The following UBE2E3 variants were observed in gnomAD, a reference collection of about 807,000 sequenced individuals.
The protein encoded by UBE2E3 is ubiquitin conjugating enzyme E2 E3.
In UBE2E3, 5 loss-of-function variants were observed where a neutral mutation model predicts 23.6. The observed-to-expected ratio is 0.21, with a 90% confidence interval of 0.11 to 0.44. UBE2E3 has a LOEUF of 0.44. Among genes scored for constraint, UBE2E3 ranks in the 20% least tolerant of loss-of-function variants. UBE2E3 has a pLI of 0.99. For missense variants in UBE2E3, 81 were observed against 249.8 expected (o/e 0.32, Z 4.55); for synonymous variants, 78 against 87.5 (o/e 0.89, Z 0.60).
intron 3 of UBE2E3, among the ~76,000 whole-genome samples, chr2:181,055,146 G>A (rs932499848): frequency 1.3e-5 from 2 of 151,906 alleles, no homozygotes; most frequent in Admixed American, 1.3e-4. Flanking sequence ...CAACAGAGGA[G>A]AGAAACTGAA....
intron 3 of UBE2E3, among the ~76,000 whole-genome samples, chr2:181,008,031 T>C (rs925187382): frequency 4.6e-5 from 7 of 152,228 alleles, no homozygotes; most frequent in Non-Finnish European, 8.8e-5. Context: ...CTGAATTGTC[T>C]TTTTAATCTG....
intron 3 of UBE2E3, among the ~76,000 whole-genome samples, chr2:180,999,463 A>T (rs1684930819): frequency 6.6e-6 from 1 of 152,182 alleles, no homozygotes; most frequent in African/African-American, 2.4e-5. Flanking sequence ...CTAGGAGTGG[A>T]ATTGCTGTGT....
At chr2:181,023,586 T>A (rs978919280) in intron 3 of UBE2E3, among the ~76,000 whole-genome samples, 2 of 152,196 alleles carry the variant, frequency 1.3e-5, no homozygotes, top group Non-Finnish European at 2.9e-5. Context: ...CACAGCCGCC[T>A]GATAGAACAG....
chr2:181,046,928 G>A (rs1423730691), intron 3 of UBE2E3, among the ~76,000 whole-genome samples: 1 of 152,072 alleles, frequency 6.6e-6, no homozygotes, highest in Non-Finnish European at 1.5e-5. Flanking sequence ...AAATTACACA[G>A]AAAACTATTC....
Position 181,062,898 on chromosome 2 carries a change from T to A in UBE2E3, c.*10T>A, listed in dbSNP as rs1306362226. On this transcript the variant is annotated 3_prime_UTR_variant, in exon 6 of 6. Transcript: ENST00000410062. ...GAGATACGCAACATAATTCACATAA[T>A]TTGTATGCAGTGTGAAGGAGCAGAA... is the stretch of plus-strand genomic sequence containing the variant. 1 of 1,571,100 alleles carries A rather than the reference T, an allele frequency of 6.4e-7. No individual in the cohort carries two copies. Among genetic ancestry groups the A allele is most frequent in the Admixed American group, 1.7e-5 (1 of 58,992 alleles).
At chr2:180,987,226 G>A (rs993425562) in intron 3 of UBE2E3, 5 of 1,189,768 alleles carry the variant, frequency 4.2e-6, no homozygotes, top group Non-Finnish European at 4.7e-6. Flanking sequence ...ATCAATGAGA[G>A]TCAAGGGAAA....
intron 3 of UBE2E3, among the ~76,000 whole-genome samples, chr2:181,002,167 C>T (rs187715169): frequency 1.5e-4 from 23 of 150,042 alleles, no homozygotes; most frequent in Non-Finnish European, 3.4e-4. Context: ...CTACTGATCA[C>T]ATCTGGAATG....
At chr2:180,994,078 A>AT (rs1362773179) in intron 3 of UBE2E3, among the ~76,000 whole-genome samples, 1 of 152,036 alleles carries the variant, frequency 6.6e-6, no homozygotes, top group Non-Finnish European at 1.5e-5. Flanking sequence ...TGTGCCTTTA[A>AT]TTTTTCTTCA....
chr2:181,034,542 G>A (rs1000676724), intron 3 of UBE2E3, among the ~76,000 whole-genome samples: 3 of 152,114 alleles, frequency 2.0e-5, no homozygotes, highest in East Asian at 3.9e-4. Context: ...TGGGGGGAGC[G>A]GGGAGAGATA....
intron 2 of UBE2E3, among the ~76,000 whole-genome samples, chr2:180,983,565 AT>A: frequency 1.3e-5 from 2 of 152,322 alleles, no homozygotes; most frequent in Non-Finnish European, 2.9e-5. Flanking sequence ...ATATTTGTAA[AT>A]TTTAAACTTT....
chr2:181,017,279 G>A (rs1685523204), intron 3 of UBE2E3, among the ~76,000 whole-genome samples: 1 of 152,184 alleles, frequency 6.6e-6, no homozygotes, highest in African/African-American at 2.4e-5. Flanking sequence ...ATAGATGTGT[G>A]CAGGTAAAGG....
At chr2:181,044,363 A>G (rs10179247) in intron 3 of UBE2E3, among the ~76,000 whole-genome samples, 6,836 of 152,200 alleles carry the variant, frequency 0.045, 224 homozygotes, top group African/African-American at 0.088. Flanking sequence ...TAAGCGATAA[A>G]TATATATAGT....
At chr2:181,017,564 T>G (rs1317394403) in intron 3 of UBE2E3, among the ~76,000 whole-genome samples, 1 of 151,820 alleles carries the variant, frequency 6.6e-6, no homozygotes, top group African/African-American at 2.4e-5. Context: ...GGAAATGCGG[T>G]AATATGCATA....
chr2:181,045,330 C>G (rs75179515), intron 3 of UBE2E3, among the ~76,000 whole-genome samples: 5,017 of 152,308 alleles, frequency 0.033, 100 homozygotes, highest in South Asian at 0.055. Context: ...AGCAAAGCTG[C>G]ATTACCTCAA....
intron 3 of UBE2E3, among the ~76,000 whole-genome samples, chr2:181,011,285 A>T (rs1685320360): frequency 6.6e-6 from 1 of 152,094 alleles, no homozygotes; most frequent in Non-Finnish European, 1.5e-5. Flanking sequence ...GATGCTGCTT[A>T]TCCCATGGCA....
At chr2:181,050,297 C>G (rs1363436841) in intron 3 of UBE2E3, among the ~76,000 whole-genome samples, 2 of 151,906 alleles carry the variant, frequency 1.3e-5, no homozygotes, top group African/African-American at 4.8e-5. Flanking sequence ...TTTTCTTCAA[C>G]TCTTTCAAAA....
intron 4 of UBE2E3, among the ~76,000 whole-genome samples, chr2:181,059,630 C>T (rs529773452): frequency 1.3e-5 from 2 of 151,640 alleles, no homozygotes; most frequent in South Asian, 4.2e-4. Flanking sequence ...TCTTTGAAAT[C>T]TGGTATTTAT....
intron 3 of UBE2E3, among the ~76,000 whole-genome samples, chr2:180,990,444 T>C (rs774097439): frequency 8.5e-5 from 13 of 152,234 alleles, no homozygotes; most frequent in Non-Finnish European, 1.8e-4. Context: ...TCCTGTCTTA[T>C]TAGTGATGCA....
At chr2:181,040,355 G>A (rs776500848) in intron 3 of UBE2E3, among the ~76,000 whole-genome samples, 25 of 152,136 alleles carry the variant, frequency 1.6e-4, no homozygotes, top group Non-Finnish European at 3.1e-4. Context: ...AATTCAATTA[G>A]ATGTCATTTA....
Sources: allele counts gnomAD v4.1 joint callset (sites outside exome capture counted in the v4.1 genomes callset), GRCh38; gene constraint gnomAD v4.1.1; transcripts MANE v1.5; gene names NCBI Gene and HGNC (gene_info 2026-07-23, HGNC 2026-07-21).